The following SNX18 variants were observed in gnomAD, a reference collection of about 807,000 sequenced individuals.
The protein encoded by SNX18 is sorting nexin 18.
In SNX18, 35 loss-of-function variants were observed where a neutral mutation model predicts 48.7. That is an observed-to-expected ratio of 0.72 (90% confidence interval 0.55 to 0.95). The LOEUF (loss-of-function observed/expected upper bound fraction) is 0.95. Ranked by LOEUF, SNX18 falls within the 40% of genes least tolerant of loss-of-function variation. The pLI is 0.00. For synonymous variants in SNX18, 492 were observed against 384.7 expected (o/e 1.28, Z -3.26); for missense variants, 824 against 871.0 (o/e 0.95, Z 0.68).
At chr5:54,626,995 C>T in the SNX18 span, among the ~76,000 whole-genome samples, 2 of 152,194 alleles carry the variant, frequency 1.3e-5, no homozygotes, top group South Asian at 2.1e-4. Context: ...GGGTTCTTAA[C>T]GTTTTTCAAT....
rs1762550207 is a variant in SNX18, at chr5:54,544,874, G to A, written c.*1442G>A. On this transcript the variant is annotated 3_prime_UTR_variant, in exon 2 of 2. Coordinates refer to ENST00000381410, the MANE Select transcript of SNX18 (RefSeq NM_001102575.2). ...AATTGTCACTGTTAGAGTATCTACT[G>A]TTTTTATGAAGTCAAACTTATGCTG... 1 of 152,086 alleles carries A rather than the reference G, an allele frequency of 6.6e-6. No individual in the cohort carries two copies. The highest frequency in any genetic ancestry group is 6.6e-5 in the Admixed American group (1 of 15,262). 9.4% of individuals were successfully genotyped at this position (152,086 alleles called of 1,614,324 possible). A position where few individuals can be genotyped will look rare whatever the true frequency, so the allele number is the denominator to read the frequency against.
At chr5:54,540,836 C>CTG (rs35030747) in intron 1 of SNX18, among the ~76,000 whole-genome samples, 108,407 of 151,944 alleles carry the variant, frequency 0.71, 38,863 homozygotes, top group Middle Eastern at 0.74. Flanking sequence ...GAACATGGGA[C>CTG]TGGCTTCCTC....
At chr5:54,554,571 C>T in the SNX18 span, among the ~76,000 whole-genome samples, 13 of 152,132 alleles carry the variant, frequency 8.5e-5, no homozygotes, top group African/African-American at 1.4e-4. Context: ...ATTCTCTGTT[C>T]GGTTACCAGA....
chr5:54,572,887 G>A, the SNX18 span, among the ~76,000 whole-genome samples: 5 of 142,106 alleles, frequency 3.5e-5, no homozygotes, highest in African/African-American at 7.9e-5. Context: ...TCCGCCTCCC[G>A]GGTTCAAGCA....
At chr5:54,524,646 A>T (rs752217721) in intron 1 of SNX18, among the ~76,000 whole-genome samples, 1 of 152,236 alleles carries the variant, frequency 6.6e-6, no homozygotes, top group Non-Finnish European at 1.5e-5. Flanking sequence ...TTTGCCATAT[A>T]TTTTTGAAGC....
rs1352462356 is a variant in SNX18, at chr5:54,519,382, C to T, written c.1430C>T (p.Ala477Val). 1.2e-6 allele frequency: 2 copies of T among 1,613,546 alleles called. No individual in the cohort carries two copies. Among genetic ancestry groups the T allele is most frequent in the East Asian group, 2.2e-5 (1 of 44,862 alleles). ...CAGTCCTTCCGCGGCCTCAGCCAGG[C>T]CTTTGAGCTGGACCAGCAGGCCTTC... ...VGQSFRGLSQ[A>V]FELDQQAFSV... Residue 477 changes from alanine to valine, a missense_variant, in exon 1 of 2, where the codon GCC (alanine) becomes GTC (valine). Around this residue, in one of 3 missense-constraint regions of SNX18, gnomAD observed 443 missense variants for 503.6 expected, o/e 0.88. Coordinates refer to ENST00000381410, the MANE Select transcript of SNX18 (RefSeq NM_001102575.2).
the SNX18 span, among the ~76,000 whole-genome samples, chr5:54,635,858 C>A: frequency 6.6e-6 from 1 of 152,114 alleles, no homozygotes; most frequent in Middle Eastern, 3.2e-3. Context: ...TGCACTGGGC[C>A]CTACAAATTA....
At chr5:54,628,059 G>A in the SNX18 span, among the ~76,000 whole-genome samples, 2 of 152,068 alleles carry the variant, frequency 1.3e-5, no homozygotes, top group African/African-American at 4.8e-5. Context: ...TACTTAATAG[G>A]ACCTGACACA....
At chr5:54,534,590 G>T (rs1322828249) in intron 1 of SNX18, among the ~76,000 whole-genome samples, 1 of 149,416 alleles carries the variant, frequency 6.7e-6, no homozygotes, top group Non-Finnish European at 1.5e-5. Flanking sequence ...TTTTCCCCCT[G>T]TCTCACTTTG....
At chr5:54,646,774 T>C in the SNX18 span, among the ~76,000 whole-genome samples, 4 of 152,194 alleles carry the variant, frequency 2.6e-5, no homozygotes, top group African/African-American at 7.2e-5. Context: ...CTTTCTACCA[T>C]AGTTCCCTCC....
intron 1 of SNX18, among the ~76,000 whole-genome samples, chr5:54,522,946 C>CT (rs1462549021): frequency 6.6e-6 from 1 of 152,128 alleles, no homozygotes; most frequent in Non-Finnish European, 1.5e-5. Context: ...CGGATGGAGT[C>CT]TAACTATTTA....
At chr5:54,571,088 T>TTTCTGGATTG in the SNX18 span, among the ~76,000 whole-genome samples, 2 of 152,132 alleles carry the variant, frequency 1.3e-5, no homozygotes, top group Admixed American at 6.5e-5. Flanking sequence ...CCCTTTCTGC[T>TTTCTGGATTG]GTCCCTTTAT....
rs1761905671 is a variant in SNX18, at chr5:54,518,077, TCAA to T, written c.128_130del (p.Asn43del). On this transcript the variant is annotated inframe_deletion, in exon 1 of 2. Transcript: ENST00000381410. ...GACATCGAGGGCTGGCTCGAGGGGG[TCAA>T]CAGCCGCGGCGACCGCGGCCTCTTC... 6.5e-7 allele frequency: 1 copy of T among 1,536,636 alleles called. No individual in the cohort carries two copies. Among genetic ancestry groups the T allele is most frequent in the African/African-American group, 1.4e-5 (1 of 69,786 alleles).
the SNX18 span, among the ~76,000 whole-genome samples, chr5:54,567,846 G>A: frequency 2.6e-5 from 4 of 152,150 alleles, no homozygotes; most frequent in South Asian, 8.3e-4. Flanking sequence ...AGTCTCTGGG[G>A]ACTCCCTCCA....
the SNX18 span, among the ~76,000 whole-genome samples, chr5:54,624,180 A>T: frequency 1.3e-5 from 2 of 152,216 alleles, no homozygotes; most frequent in South Asian, 4.1e-4. Flanking sequence ...TGCATACTAT[A>T]TAGTATCAAT....
Position 54,534,179 on chromosome 5 carries a change from G to T in SNX18, c.1622-9000G>T, listed in dbSNP as rs147356263. On this transcript the variant is annotated intron_variant, in intron 1 of 1. Transcript: ENST00000381410. Reference sequence around the variant, plus strand: ...GAAGGGCCCCTGGAAGACAGAAATCGAGTTAATGTTTTTGGCACATTCATG... The same window carrying T: ...GAAGGGCCCCTGGAAGACAGAAATCTAGTTAATGTTTTTGGCACATTCATG... Among the ~76,000 whole-genome samples the T allele has an allele frequency of 2.9e-3, 442 of 151,920 alleles. 4 individuals are homozygous for T. The highest frequency in any genetic ancestry group is 0.01 in the African/African-American group (431 of 41,416).
intron 1 of SNX18, among the ~76,000 whole-genome samples, chr5:54,523,835 G>A (rs1486395754): frequency 6.6e-6 from 1 of 152,170 alleles, no homozygotes; most frequent in Non-Finnish European, 1.5e-5. Flanking sequence ...TGGAGTCCCA[G>A]CAGGGCACAC....
At chr5:54,575,195 C>A in the SNX18 span, among the ~76,000 whole-genome samples, 131 of 152,084 alleles carry the variant, frequency 8.6e-4, 1 homozygote, top group African/African-American at 3.0e-3. Flanking sequence ...TGGGAGGAGT[C>A]CAGCTACCCC....
At chr5:54,610,984 G>A in the SNX18 span, among the ~76,000 whole-genome samples, 2 of 152,112 alleles carry the variant, frequency 1.3e-5, no homozygotes, top group Non-Finnish European at 2.9e-5. Flanking sequence ...TGATTTCTAT[G>A]GTCACCCTCT....
Sources: gnomAD v4.1 joint callset for allele counts (sites outside exome capture counted in the v4.1 genomes callset) on GRCh38, gnomAD v4.1.1 for gene constraint, gnomAD v4.1.1 regional missense constraint, MANE v1.5 for transcripts, NCBI Gene and HGNC (gene_info 2026-07-23, HGNC 2026-07-21) for gene names.